Variants in IFT122 observed in about 807,000 individuals in gnomAD.
IFT122 encodes the protein intraflagellar transport 122.
IFT122 carries 118 observed loss-of-function variants against 161.6 expected under a neutral mutation model. The ratio of observed to expected loss-of-function variants is 0.73; its 90% confidence interval spans 0.63 to 0.85. The LOEUF (loss-of-function observed/expected upper bound fraction) is 0.85. Among genes scored for constraint, IFT122 ranks in the 40% least tolerant of loss-of-function variants. The pLI is 0.00. For missense variants in IFT122, 1,381 were observed against 1,579.6 expected, an observed-to-expected ratio of 0.87 and a Z score of 2.13; for synonymous variants, 550 against 602.4, an observed-to-expected ratio of 0.91 and a Z score of 1.27.
intron 8 of IFT122, among the ~76,000 whole-genome samples, chr3:129,467,481 GT>G (rs1008930183): frequency 6.6e-6 from 1 of 151,836 alleles, no homozygotes; most frequent in African/African-American, 2.4e-5. Context: ...GATTTTTAAT[GT>G]CTGAAAAGTG....
chr3:129,504,171 G>A (rs988613197), intron 20 of IFT122, 148 bp from the exon 21 acceptor site: 5 of 680,246 alleles, frequency 7.4e-6, no homozygotes, highest in Admixed American at 7.1e-5. Flanking sequence ...TTGCATTTCT[G>A]TGGGTAGTTT....
chr3:129,469,519 C>T, intron 9 of IFT122, 102 bp downstream of exon 9: 1 of 920,490 alleles, frequency 1.1e-6, no homozygotes, highest in South Asian at 1.3e-5. Flanking sequence ...TTAGTTCCTG[C>T]TTATTGAGCA....
chr3:129,482,553 G>A (rs1002101894), intron 14 of IFT122, among the ~76,000 whole-genome samples: 4 of 152,136 alleles, frequency 2.6e-5, no homozygotes, highest in Non-Finnish European at 5.9e-5. Context: ...TCTGGAGTGG[G>A]GAGCAGCCTC....
At position 129,483,490 on chromosome 3, in the gene IFT122, A is replaced by G. The variant is rs763595600; in HGVS notation, c.1659A>G (p.Pro553=). The change falls in exon 15 of 30, where the codon CCA becomes CCG. Residue 553 remains proline (P), a synonymous_variant. Transcript: ENST00000348417. ...CCACTGTCCCTGTTCCCCAGGAACC[A>G]AACGCCAACAGTGTAGCTTGGAACA... ...IDTKELLFQE[P]NANSVAWNTQ... is the part of the protein sequence containing the mutation. 6.2e-6 allele frequency: 10 copies of G among 1,613,938 alleles called. No individual in the cohort carries two copies. The Admixed American group carries it at 1.3e-4, about 22-fold the overall frequency.
chr3:129,519,542 G>GTGCCTCCTTCCCGCCCA, intron 28 of IFT122, 26 bp from the exon 29 acceptor site: 1 of 1,611,848 alleles, frequency 6.2e-7, no homozygotes, highest in Non-Finnish European at 8.5e-7. Context: ...TGAGGACACT[G>GTGCCTCCTTCCCGCCCA]TGCCTCCTTC....
chr3:129,458,651 A>G lies in IFT122; in HGVS notation c.246A>G (p.Ser82=). 1 of 1,613,960 alleles carries G rather than the reference A, an allele frequency of 6.2e-7. No homozygotes were observed. Among genetic ancestry groups the G allele is most frequent in the Non-Finnish European group, 8.5e-7 (1 of 1,179,786 alleles). Residue 82 remains serine (S), a synonymous_variant, in exon 4 of 30, where the codon TCA becomes TCG. Coordinates refer to ENST00000348417, the MANE Select transcript of IFT122 (RefSeq NM_052989.3). ...SADKSVIIWT[S]KLEGILKYTH... is the part of the protein sequence containing the mutation. ...ACAAAAGCGTTATTATCTGGACATC[A>G]AAACTGGAAGGCATTCTGAAGTACA...
chr3:129,468,623 C>T (rs138334179), intron 8 of IFT122, among the ~76,000 whole-genome samples: 75 of 152,352 alleles, frequency 4.9e-4, no homozygotes, highest in African/African-American at 1.1e-3. Flanking sequence ...GAATTACAAG[C>T]GTGAGCCATC....
chr3:129,442,425 A>G (rs1274989847), intron 1 of IFT122, among the ~76,000 whole-genome samples: 1 of 152,152 alleles, frequency 6.6e-6, no homozygotes, highest in Non-Finnish European at 1.5e-5. Flanking sequence ...TGAATGAATG[A>G]TGAATAAAGA....
At chr3:129,482,269 C>T (rs574693511) in intron 14 of IFT122, among the ~76,000 whole-genome samples, 1 of 152,348 alleles carries the variant, frequency 6.6e-6, no homozygotes, top group East Asian at 1.9e-4. Context: ...TCATCCAGCC[C>T]TGTGGCCTGA....
Position 129,494,846 on chromosome 3 carries a change from T to G in IFT122, c.2047-600T>G, listed in dbSNP as rs764675179. On this transcript the variant is annotated intron_variant, in intron 17 of 29. Coordinates refer to ENST00000348417, the MANE Select transcript of IFT122 (RefSeq NM_052989.3). ...CTTCTTGAGTCTCAGCGTCCTTCAC[T>G]CTAACACTTGGGTAGTGAGACCTAC... 1.2e-4 allele frequency among the ~76,000 whole-genome samples: 19 copies of G among 152,246 alleles called. No individual in the cohort carries two copies. The Middle Eastern group carries it at 0.017, about 136-fold the overall frequency.
At chr3:129,448,962 G>A (rs1007320127) in intron 1 of IFT122, among the ~76,000 whole-genome samples, 1 of 152,182 alleles carries the variant, frequency 6.6e-6, no homozygotes, top group Non-Finnish European at 1.5e-5. Flanking sequence ...GCCTCCCAGA[G>A]TGCTGGGATT....
intron 19 of IFT122, 134 bp downstream of exon 19, chr3:129,500,202 A>T: frequency 9.3e-7 from 1 of 1,076,258 alleles, no homozygotes; most frequent in Admixed American, 2.0e-5. Flanking sequence ...TCTTCAGGAG[A>T]CACAGAGATT....
At chr3:129,495,826 T>C (rs1164944709) in intron 18 of IFT122, among the ~76,000 whole-genome samples, 1 of 152,238 alleles carries the variant, frequency 6.6e-6, no homozygotes, top group African/African-American at 2.4e-5. Flanking sequence ...GGGCAGACTA[T>C]GGCAGTTCAG....
rs1470318234 is a variant in IFT122, at chr3:129,464,737, G to T, written c.519G>T (p.Gly173=). The T allele has an allele frequency of 3.1e-6, 5 of 1,614,050 alleles. No homozygotes were observed. Among genetic ancestry groups the T allele is most frequent in the East Asian group, 2.2e-5 (1 of 44,870 alleles). The part of the protein sequence containing the change: ...GEEKVKIERP[G]GSLSPIWSIC... ...AGAAAGTAAAGATCGAGCGGCCGGG[G>T]GGCTCCCTCTCGCCAATATGGTCCA... Residue 173 remains glycine, a synonymous_variant, in exon 7 of 30, where the codon GGG becomes GGT. Transcript: ENST00000348417.
At chr3:129,452,040 A>C (rs201385711) in intron 3 of IFT122, 42 bp downstream of exon 3, 1,223 of 1,348,096 alleles carry the variant, frequency 9.1e-4, no homozygotes, top group Non-Finnish European at 1.2e-3. Flanking sequence ...TAATAGCCTC[A>C]TCATTGTTCA....
At chr3:129,447,891 G>A (rs1408327809) in intron 1 of IFT122, among the ~76,000 whole-genome samples, 3 of 152,154 alleles carry the variant, frequency 2.0e-5, no homozygotes, top group African/African-American at 4.8e-5. Context: ...CCCACTTCCC[G>A]TCATGGCCTG....
At chr3:129,518,982 C>T in intron 27 of IFT122, 125 bp from the exon 28 acceptor site, 8 of 830,686 alleles carry the variant, frequency 9.6e-6, no homozygotes, top group Non-Finnish European at 1.7e-5. Context: ...CCCCTCTGTT[C>T]CTCCACCTGG....
In IFT122 at chr3:129,500,006, C is replaced by A. The variant is rs770590297; in HGVS notation, c.2313C>A (p.Tyr771Ter). 24 of 1,614,086 alleles carry A rather than the reference C, an allele frequency of 1.5e-5. No homozygotes were observed. The highest frequency in any genetic ancestry group is 2.2e-5 in the East Asian group (1 of 44,898). Residue 771 changes from tyrosine to a stop codon, truncating the protein, a stop_gained, in exon 19 of 30, where the codon TAC becomes TAA. Transcript: ENST00000348417. LOFTEE classifies it high-confidence loss of function. ...AGCCCAAAGCCGCCGTGGAGATGTA[C>A]ATCTCAGCAGGAGAGCACGTCAAGG... ...IKEPKAAVEM[Y>*]ISAGEHVKAI...
intron 18 of IFT122, among the ~76,000 whole-genome samples, chr3:129,499,690 G>T (rs1006263621): frequency 6.6e-6 from 1 of 152,186 alleles, no homozygotes; most frequent in Non-Finnish European, 1.5e-5. Context: ...TGCTGTCCCA[G>T]GATCCCCCAG....
Sources: allele counts gnomAD v4.1 joint callset (sites outside exome capture counted in the v4.1 genomes callset), GRCh38; gene constraint gnomAD v4.1.1; transcripts MANE v1.5; gene names NCBI Gene and HGNC (gene_info 2026-07-23, HGNC 2026-07-21).